The following ABCB11 variants were observed in gnomAD, a reference collection of about 807,000 sequenced individuals.
The protein encoded by ABCB11 is bile salt export pump.
In ABCB11, 95 loss-of-function variants were observed where a neutral mutation model predicts 148.0. The observed-to-expected ratio is 0.64, with a 90% CI of 0.54 to 0.76. The LOEUF (loss-of-function observed/expected upper bound fraction) is 0.76, where lower values mean the gene tolerates loss of function less well. Among genes scored for constraint, ABCB11 ranks in the 30% least tolerant of loss-of-function variants. The pLI is 0.00. For synonymous variants in ABCB11, 591 were observed against 555.4 expected, an observed-to-expected ratio of 1.06 and a Z score of -0.90; for missense variants, 1,523 against 1,617.8, an observed-to-expected ratio of 0.94 and a Z score of 1.01.
intron 12 of ABCB11, among the ~76,000 whole-genome samples, chr2:168,976,025 A>C (rs984751390): frequency 2.6e-5 from 4 of 152,096 alleles, no homozygotes; most frequent in Non-Finnish European, 5.9e-5. Flanking sequence ...ATTTAAAGGC[A>C]GGAAATAATT....
chr2:168,945,216 T>G (rs73018705), intron 19 of ABCB11, among the ~76,000 whole-genome samples: 3,787 of 151,338 alleles, frequency 0.025, 145 homozygotes, highest in African/African-American at 0.086. Context: ...GCGTGTAGGG[T>G]GGTAGGGGGT....
intron 18 of ABCB11, 110 bp downstream of exon 18, chr2:168,964,096 A>T (rs528282198): frequency 3.4e-5 from 24 of 700,302 alleles, no homozygotes; most frequent in Non-Finnish European, 4.8e-5. Context: ...CTGACTTGAA[A>T]CACTGCTAGA....
intron 23 of ABCB11, among the ~76,000 whole-genome samples, 152 bp from the exon 24 acceptor site, chr2:168,932,685 G>C (rs1285304761): frequency 6.6e-6 from 1 of 152,192 alleles, no homozygotes; most frequent in Non-Finnish European, 1.5e-5. Flanking sequence ...GAAATGGAGA[G>C]GGTGGTGTTT....
intron 5 of ABCB11, among the ~76,000 whole-genome samples, chr2:169,010,775 T>C (rs1178334445): frequency 6.6e-6 from 1 of 152,106 alleles, no homozygotes. Context: ...ATAGAACAAA[T>C]AGTATTCATG....
chr2:168,916,771 C>T (rs1455098821), downstream of ABCB11, among the ~76,000 whole-genome samples: 2 of 152,160 alleles, frequency 1.3e-5, no homozygotes, highest in African/African-American at 4.8e-5. Context: ...AAATTTCTCT[C>T]CAAGTGTGTT....
At chr2:169,017,607 A>G (rs996718573) in intron 2 of ABCB11, among the ~76,000 whole-genome samples, 8 of 152,140 alleles carry the variant, frequency 5.3e-5, no homozygotes, top group African/African-American at 1.4e-4. Flanking sequence ...TTAGAAAACA[A>G]TAGCTTAGAA....
chr2:168,988,728 C>A (rs768711205), intron 9 of ABCB11, among the ~76,000 whole-genome samples: 1 of 152,176 alleles, frequency 6.6e-6, no homozygotes, highest in East Asian at 1.9e-4. Flanking sequence ...CCACCAAAAG[C>A]GATCCGTGTA....
chr2:168,953,517 T>C (rs2105927048), intron 19 of ABCB11, among the ~76,000 whole-genome samples: 1 of 151,590 alleles, frequency 6.6e-6, no homozygotes, highest in Admixed American at 6.6e-5. Flanking sequence ...CTACTTTTGC[T>C]CAACTTTGGT....
chr2:169,003,351 T>C (rs1294406249), intron 5 of ABCB11, among the ~76,000 whole-genome samples: 1 of 145,644 alleles, frequency 6.9e-6, no homozygotes, highest in South Asian at 2.1e-4. Context: ...TGTGTGTGCA[T>C]ATATATATAT....
rs763545261 is a variant in ABCB11 at position 168,932,361 on chromosome 2, G to A, written c.3213+16C>T. 11 of 1,548,686 alleles carry A rather than the reference G, an allele frequency of 7.1e-6. No homozygotes were observed. The highest frequency in any genetic ancestry group is 9.6e-6 in the Non-Finnish European group (11 of 1,144,476). ...ACTCATCCTTTTTTATGGCTGCATA[G>A]TATTCCAACACTTACCCATTTTTCA... On this transcript the variant is annotated intron_variant, in intron 24 of 27. Transcript: ENST00000650372.
At chr2:169,004,526 T>A (rs1357017644) in intron 5 of ABCB11, among the ~76,000 whole-genome samples, 1 of 152,200 alleles carries the variant, frequency 6.6e-6, no homozygotes, top group Non-Finnish European at 1.5e-5. Context: ...TTGTGGTTGT[T>A]TTTTTATTTA....
At chr2:168,994,412 T>G (rs1286287168) in intron 7 of ABCB11, among the ~76,000 whole-genome samples, 1 of 152,112 alleles carries the variant, frequency 6.6e-6, no homozygotes, top group Non-Finnish European at 1.5e-5. Context: ...GAGTGCAGAT[T>G]CTGGAGCCAG....
rs1691156246 is a variant in ABCB11 at position 168,923,383 on chromosome 2, T to G, written c.*239A>C. Reference sequence around the variant, plus strand: ...CTGCCACTTGACATTGGGTTTTCCCTCATATGGACCCTAGTTTCTTTCATT... The same window carrying G: ...CTGCCACTTGACATTGGGTTTTCCCGCATATGGACCCTAGTTTCTTTCATT... On this transcript the variant is annotated 3_prime_UTR_variant, in exon 28 of 28. Transcript: ENST00000650372. 2 of 571,146 alleles carry G rather than the reference T, an allele frequency of 3.5e-6. No homozygotes were observed. Among genetic ancestry groups the G allele is most frequent in the Non-Finnish European group, 6.2e-6 (2 of 322,884 alleles). The allele number at this position is 571,146 out of a possible 1,614,324, so 35.4% of individuals were successfully genotyped here.
rs1416045140 is a variant in ABCB11, at chr2:168,944,848, A to G, written c.2448+9T>C. The G allele has an allele frequency of 6.3e-7, 1 of 1,598,808 alleles. No homozygotes were observed. Among genetic ancestry groups the G allele is most frequent in the Admixed American group, 1.7e-5 (1 of 57,726 alleles). The stretch of plus-strand genomic sequence containing the variant: ...ACTAAATCACTTACTGAAAAATAAC[A>G]TTTCTTACCTGTAGAAATTGGGTGA... On this transcript the variant is annotated intron_variant, in intron 20 of 27. Coordinates refer to ENST00000650372, the MANE Select transcript of ABCB11 (RefSeq NM_003742.4).
chr2:168,942,911 T>C (rs1397134994), intron 21 of ABCB11, among the ~76,000 whole-genome samples: 1 of 151,836 alleles, frequency 6.6e-6, no homozygotes, highest in Admixed American at 6.6e-5. Flanking sequence ...CAGTAGAAAA[T>C]GTAATCTATA....
intron 10 of ABCB11, among the ~76,000 whole-genome samples, chr2:168,984,580 T>C (rs968501964): frequency 2.0e-5 from 3 of 152,160 alleles, no homozygotes; most frequent in African/African-American, 7.2e-5. Context: ...CACAAGTACA[T>C]TTATTAGTAT....
intron 10 of ABCB11, among the ~76,000 whole-genome samples, chr2:168,985,105 CAGA>C (rs1694267913): frequency 6.6e-6 from 1 of 151,956 alleles, no homozygotes; most frequent in South Asian, 2.1e-4. Flanking sequence ...AGACAATTCT[CAGA>C]AGAAGATACA....
Position 168,949,789 on chromosome 2 carries a change from G to A in ABCB11, c.2344-4828C>T, listed in dbSNP as rs115531200. 4.5e-3 allele frequency among the ~76,000 whole-genome samples: 687 copies of A among 151,582 alleles called. 7 individuals are homozygous for A. The highest frequency in any genetic ancestry group is 0.016 in the African/African-American group (658 of 41,424). ...CCCTGGGTGAGTCTGTGAGGGTGTC[G>A]ACAAAGGAGATTAACATTTGAATCA... On this transcript the variant is annotated intron_variant, in intron 19 of 27. Transcript: ENST00000650372.
chr2:168,958,984 C>T (rs1359257254), intron 18 of ABCB11, among the ~76,000 whole-genome samples: 1 of 151,454 alleles, frequency 6.6e-6, no homozygotes. Context: ...TGACATTTAC[C>T]AAAAATATAT....
Sources: gnomAD v4.1 joint callset for allele counts (sites outside exome capture counted in the v4.1 genomes callset) on GRCh38, gnomAD v4.1.1 for gene constraint, MANE v1.5 for transcripts, NCBI Gene and HGNC (gene_info 2026-07-23, HGNC 2026-07-21) for gene names.